CDH12: variants seen among roughly 807,000 people sequenced by gnomAD.
The protein encoded by CDH12 is cadherin 12.
CDH12 carries 41 observed loss-of-function variants against 74.1 expected under a neutral mutation model. The observed-to-expected ratio is 0.55, with a 90% CI of 0.43 to 0.72. The LOEUF is 0.72. Ranked by LOEUF, CDH12 falls within the 30% of genes least tolerant of loss-of-function variation. The pLI, the probability that CDH12 is intolerant of heterozygous loss-of-function variation, is 0.00. For missense variants in CDH12, 945 were observed against 977.2 expected, an observed-to-expected ratio of 0.97 and a Z score of 0.44; for synonymous variants, 399 against 355.0, an observed-to-expected ratio of 1.12 and a Z score of -1.39.
intron 1 of CDH12, among the ~76,000 whole-genome samples, chr5:22,670,333 A>C (rs1740840500): frequency 6.6e-6 from 1 of 152,122 alleles, no homozygotes; most frequent in Non-Finnish European, 1.5e-5. Flanking sequence ...TAGTTCTTTA[A>C]AGCCTGTTTT....
At chr5:22,381,298 C>A (rs1741749321) in intron 3 of CDH12, among the ~76,000 whole-genome samples, 1 of 151,974 alleles carries the variant, frequency 6.6e-6, no homozygotes, top group Non-Finnish European at 1.5e-5. Context: ...TGCCTTTGAT[C>A]TGTAAACGTT....
chr5:22,586,902 A>G (rs1328910242), intron 1 of CDH12, among the ~76,000 whole-genome samples: 1 of 141,420 alleles, frequency 7.1e-6, no homozygotes, highest in African/African-American at 2.7e-5. Flanking sequence ...GCTGGAGTGC[A>G]ATGGTGTGGT....
At chr5:22,228,564 A>C (rs1260150905) in intron 3 of CDH12, among the ~76,000 whole-genome samples, 3 of 152,194 alleles carry the variant, frequency 2.0e-5, no homozygotes, top group African/African-American at 7.2e-5. Flanking sequence ...TTATAAAAGA[A>C]TACTATAAAT....
At chr5:22,235,137 T>A (rs1752518379) in intron 3 of CDH12, among the ~76,000 whole-genome samples, 1 of 152,222 alleles carries the variant, frequency 6.6e-6, no homozygotes, top group African/African-American at 2.4e-5. Flanking sequence ...TGATTTCACT[T>A]GTCTCCTGAC....
At chr5:22,469,529 A>T (rs961580986) in intron 2 of CDH12, among the ~76,000 whole-genome samples, 1 of 121,918 alleles carries the variant, frequency 8.2e-6, no homozygotes, top group Non-Finnish European at 1.8e-5. Flanking sequence ...ATTAAGGCTC[A>T]CTCCAGTGAC....
At chr5:22,632,949 C>T (rs1286811678) in intron 1 of CDH12, among the ~76,000 whole-genome samples, 1 of 151,822 alleles carries the variant, frequency 6.6e-6, no homozygotes, top group Admixed American at 6.6e-5. Flanking sequence ...AAAAACAAAG[C>T]AGGATAAATA....
At chr5:22,570,503 A>G (rs1359831812) in intron 1 of CDH12, among the ~76,000 whole-genome samples, 1 of 152,108 alleles carries the variant, frequency 6.6e-6, no homozygotes, top group Non-Finnish European at 1.5e-5. Context: ...TGCAATGTCT[A>G]TGAGCAGTAA....
At chr5:22,805,418 T>C (rs558865462) in intron 1 of CDH12, among the ~76,000 whole-genome samples, 1 of 152,054 alleles carries the variant, frequency 6.6e-6, no homozygotes, top group South Asian at 2.1e-4. Flanking sequence ...ATTAAAAAAA[T>C]AAGAATAATA....
chr5:22,101,564 C>T lies in CDH12; in HGVS notation c.-186-22702G>A, dbSNP rs151122471. Reference sequence around the variant, plus strand: ...GGACCATAGCCAGTTTTATCTTAGGCTTCAAGTCTGCACAGAAGTATTTTC... The same window carrying T: ...GGACCATAGCCAGTTTTATCTTAGGTTTCAAGTCTGCACAGAAGTATTTTC... On this transcript the variant is annotated intron_variant, in intron 4 of 14. Coordinates refer to ENST00000382254, the MANE Select transcript of CDH12 (RefSeq NM_004061.5). Among the ~76,000 whole-genome samples the T allele has an allele frequency of 5.1e-3, 771 of 152,158 alleles. 4 individuals are homozygous for T. The highest frequency in any genetic ancestry group is 0.017 in the African/African-American group (712 of 41,538).
chr5:22,208,017 T>A (rs1299808160), intron 4 of CDH12, among the ~76,000 whole-genome samples: 3 of 152,218 alleles, frequency 2.0e-5, no homozygotes, highest in African/African-American at 4.8e-5. Context: ...TGTGATTGGC[T>A]CAATTTTCAA....
At chr5:22,251,454 G>T (rs1753127433) in intron 3 of CDH12, among the ~76,000 whole-genome samples, 1 of 152,178 alleles carries the variant, frequency 6.6e-6, no homozygotes, top group South Asian at 2.1e-4. Flanking sequence ...GAGAAATAAA[G>T]TGGACACACA....
chr5:22,560,930 A>G (rs1373472884), intron 1 of CDH12, among the ~76,000 whole-genome samples: 1 of 152,174 alleles, frequency 6.6e-6, no homozygotes, highest in Admixed American at 6.5e-5. Flanking sequence ...CCTAGAGCAC[A>G]GAAGGTTGGG....
rs563563927 is a variant in CDH12 at position 22,289,081 on chromosome 5, C to A, written c.-332-76438G>T. Among the ~76,000 whole-genome samples the A allele has an allele frequency of 4.0e-4, 61 of 151,970 alleles. 2 individuals carry two copies. Among genetic ancestry groups the A allele is most frequent in the African/African-American group, 1.4e-3 (60 of 41,438 alleles). On this transcript the variant is annotated intron_variant, in intron 3 of 14. Transcript: ENST00000382254. The stretch of plus-strand genomic sequence containing the variant: ...CTTGTATCATAAAGCAGACATAACC[C>A]CTGGAAAGCAATTCCAGAGGATAAA...
chr5:22,105,749 A>AAGTAAAATAAAATAAAAACAC (rs1744404823), intron 4 of CDH12, among the ~76,000 whole-genome samples: 1 of 151,768 alleles, frequency 6.6e-6, no homozygotes, highest in African/African-American at 2.4e-5. Flanking sequence ...AAATAAAATA[A>AAGTAAAATAAAATAAAAACAC]AAACATCATT....
At chr5:22,687,510 T>C (rs919349358) in intron 1 of CDH12, among the ~76,000 whole-genome samples, 5 of 152,070 alleles carry the variant, frequency 3.3e-5, no homozygotes, top group Non-Finnish European at 7.4e-5. Flanking sequence ...TGGGCTCAAG[T>C]GATCCTTCTG....
chr5:22,764,115 A>C (rs998487779), intron 1 of CDH12, among the ~76,000 whole-genome samples: 1 of 151,914 alleles, frequency 6.6e-6, no homozygotes, highest in Non-Finnish European at 1.5e-5. Flanking sequence ...TCTAATTAGA[A>C]GACTGAAAGA....
rs535308994 is a variant in CDH12 at position 21,787,496 on chromosome 5, T to C, written c.1257-4002A>G. ...ATTCCATTTCACACTGACTCGACTA[T>C]GGTATAGTGTAAAGATGATGTTTAT... On this transcript the variant is annotated intron_variant, in intron 10 of 14. Transcript: ENST00000382254. Among the ~76,000 whole-genome samples, 4 of 152,284 alleles carry C rather than the reference T, an allele frequency of 2.6e-5. No individual in the cohort carries two copies. In the South Asian group the frequency reaches 6.2e-4, roughly 24 times the overall value.
chr5:21,837,776 T>C (rs1369826308), intron 8 of CDH12, among the ~76,000 whole-genome samples: 10 of 152,186 alleles, frequency 6.6e-5, no homozygotes, highest in Non-Finnish European at 1.5e-5. Flanking sequence ...TACAAAAACA[T>C]GTAAAATTTC....
chr5:21,930,086 T>C (rs1202863387), intron 6 of CDH12, among the ~76,000 whole-genome samples: 1 of 152,320 alleles, frequency 6.6e-6, no homozygotes, highest in East Asian at 1.9e-4. Flanking sequence ...ATAGTAAATA[T>C]GGATAATCTT....
Sources: gnomAD v4.1 joint callset for allele counts (sites outside exome capture counted in the v4.1 genomes callset) on GRCh38, gnomAD v4.1.1 for gene constraint, MANE v1.5 for transcripts, NCBI Gene and HGNC (gene_info 2026-07-23, HGNC 2026-07-21) for gene names.